The following DSCAML1 variants were observed in gnomAD, a reference collection of about 807,000 sequenced individuals.
DSCAML1 encodes the protein DS cell adhesion molecule like 1.
Under a neutral mutation model 200.5 loss-of-function variants are expected in DSCAML1, and 38 were observed. The observed-to-expected ratio is 0.19, with a 90% CI of 0.15 to 0.25. The LOEUF is 0.25. Among genes scored for constraint, DSCAML1 ranks in the 10% least tolerant of loss-of-function variants. DSCAML1 has a pLI of 1.00. For missense variants in DSCAML1, 2,223 were observed against 2,858.8 expected (o/e 0.78, Z 5.07); for synonymous variants, 1,215 against 1,165.0 (o/e 1.04, Z -0.87).
At chr11:117,810,632 C>A (rs1168526918) in intron 1 of DSCAML1, among the ~76,000 whole-genome samples, 4 of 152,162 alleles carry the variant, frequency 2.6e-5, no homozygotes, top group Admixed American at 2.0e-4. Context: ...CAACTCTCAC[C>A]TGACCTAAAA....
At chr11:117,768,520 GC>G (rs1470844421) in intron 3 of DSCAML1, among the ~76,000 whole-genome samples, 3 of 152,130 alleles carry the variant, frequency 2.0e-5, no homozygotes, top group African/African-American at 7.2e-5. Flanking sequence ...GAGTAATGAT[GC>G]CAGATGATGG....
rs558310381 is a variant in DSCAML1, at chr11:117,674,759, C to T, written c.511+102032G>A. 3.9e-5 allele frequency among the ~76,000 whole-genome samples: 6 copies of T among 152,236 alleles called. No homozygotes were observed. The East Asian group carries it at 1.2e-3, about 29-fold the overall frequency. On this transcript the variant is annotated intron_variant, in intron 3 of 32. Transcript: ENST00000651296. ...TCACAAAGCCCTCAGAGAGATGGCCCTTTAAATCTCTGCTTGTGTGTTCAG... is the reference window on the plus strand; with the variant it reads ...TCACAAAGCCCTCAGAGAGATGGCCTTTTAAATCTCTGCTTGTGTGTTCAG...
chr11:117,705,554 G>A (rs1385799039), intron 3 of DSCAML1, among the ~76,000 whole-genome samples: 1 of 152,150 alleles, frequency 6.6e-6, no homozygotes, highest in Non-Finnish European at 1.5e-5. Flanking sequence ...CACTGTGGGA[G>A]TGGCCTGGAA....
At chr11:117,678,021 A>C (rs1387495833) in intron 3 of DSCAML1, among the ~76,000 whole-genome samples, 3 of 152,252 alleles carry the variant, frequency 2.0e-5, no homozygotes, top group Non-Finnish European at 4.4e-5. Context: ...CCAACCAAAA[A>C]GGTCATTGCC....
intron 3 of DSCAML1, among the ~76,000 whole-genome samples, chr11:117,750,722 G>A (rs1163744673): frequency 1.3e-5 from 2 of 152,192 alleles, no homozygotes; most frequent in Admixed American, 1.3e-4. Context: ...AGATCAGAAG[G>A]TGCCACCACT....
intron 14 of DSCAML1, among the ~76,000 whole-genome samples, chr11:117,476,459 C>T (rs538164817): frequency 6.6e-6 from 1 of 152,340 alleles, no homozygotes; most frequent in East Asian, 1.9e-4. Flanking sequence ...GACATCTCAA[C>T]ACCAGTCCCT....
intron 3 of DSCAML1, among the ~76,000 whole-genome samples, chr11:117,553,517 A>G (rs755921977): frequency 2.0e-5 from 3 of 152,262 alleles, no homozygotes; most frequent in African/African-American, 4.8e-5. Flanking sequence ...CAGATGGCTA[A>G]TAAGTACAGG....
intron 20 of DSCAML1, among the ~76,000 whole-genome samples, chr11:117,444,561 G>T (rs1444542189): frequency 2.0e-5 from 3 of 152,158 alleles, no homozygotes; most frequent in African/African-American, 7.2e-5. Context: ...AGGGAGGAGG[G>T]GGCGGGAGAA....
chr11:117,766,766 C>A (rs538354076), intron 3 of DSCAML1, among the ~76,000 whole-genome samples: 13 of 152,308 alleles, frequency 8.5e-5, no homozygotes, highest in African/African-American at 3.1e-4. Context: ...CACATGCACA[C>A]GCCGCCAGAG....
At chr11:117,617,686 A>G (rs1295455717) in intron 3 of DSCAML1, among the ~76,000 whole-genome samples, 115 of 69,652 alleles carry the variant, frequency 1.7e-3, no homozygotes, top group South Asian at 8.2e-3. Context: ...ACACGCACAC[A>G]CACACACACA....
chr11:117,444,710 A>C (rs1338733124), intron 20 of DSCAML1, among the ~76,000 whole-genome samples: 1 of 152,226 alleles, frequency 6.6e-6, no homozygotes, highest in African/African-American at 2.4e-5. Flanking sequence ...CCAACAAAAC[A>C]ATATCGGATC....
intron 1 of DSCAML1, among the ~76,000 whole-genome samples, chr11:117,811,674 C>T (rs1268598293): frequency 6.6e-6 from 1 of 152,194 alleles, no homozygotes; most frequent in Non-Finnish European, 1.5e-5. Context: ...CACCTGGCAG[C>T]CACTCCCAGA....
chr11:117,645,801 G>C (rs993034652), intron 3 of DSCAML1, among the ~76,000 whole-genome samples: 2 of 151,444 alleles, frequency 1.3e-5, no homozygotes, highest in African/African-American at 4.8e-5. Flanking sequence ...CCTAATGCTA[G>C]ATGACGAGTT....
chr11:117,660,220 C>G (rs7949670), intron 3 of DSCAML1, among the ~76,000 whole-genome samples: 11 of 152,070 alleles, frequency 7.2e-5, no homozygotes, highest in Non-Finnish European at 1.3e-4. Context: ...CTCAGAATGC[C>G]GAGCTCCAGG....
chr11:117,639,690 A>G (rs1216374191), intron 3 of DSCAML1, among the ~76,000 whole-genome samples: 1 of 152,054 alleles, frequency 6.6e-6, no homozygotes, highest in Non-Finnish European at 1.5e-5. Flanking sequence ...CTTCGTTGCC[A>G]TTCTGCCACG....
intron 3 of DSCAML1, among the ~76,000 whole-genome samples, chr11:117,620,279 A>C (rs1432128799): frequency 6.6e-6 from 1 of 152,176 alleles, no homozygotes; most frequent in Non-Finnish European, 1.5e-5. Context: ...TCTGAATTTC[A>C]TCAGCCACCG....
chr11:117,499,925 C>T (rs2049364832), intron 11 of DSCAML1, among the ~76,000 whole-genome samples: 1 of 152,236 alleles, frequency 6.6e-6, no homozygotes, highest in Non-Finnish European at 1.5e-5. Flanking sequence ...GACCCTCGGA[C>T]TCCTGGAACT....
intron 3 of DSCAML1, among the ~76,000 whole-genome samples, chr11:117,763,286 G>A (rs2054838911): frequency 6.6e-6 from 1 of 152,068 alleles, no homozygotes; most frequent in Admixed American, 6.5e-5. Flanking sequence ...AAGTAGATCA[G>A]GATCCTTGGC....
At chr11:117,617,400 G>A (rs769969148) in intron 3 of DSCAML1, among the ~76,000 whole-genome samples, 1 of 152,156 alleles carries the variant, frequency 6.6e-6, no homozygotes, top group Non-Finnish European at 1.5e-5. Context: ...TTTAAAAAGA[G>A]GTAAATAAGT....
Sources: gnomAD v4.1 joint callset for allele counts (sites outside exome capture counted in the v4.1 genomes callset) on GRCh38, gnomAD v4.1.1 for gene constraint, MANE v1.5 for transcripts, NCBI Gene and HGNC (gene_info 2026-07-23, HGNC 2026-07-21) for gene names.